The following GRIK2 variants were observed in gnomAD, a reference collection of about 807,000 sequenced individuals.
GRIK2 encodes the protein glutamate receptor ionotropic, kainate 2.
GRIK2 carries 32 observed loss-of-function variants against 100.3 expected under a neutral mutation model. The observed-to-expected ratio is 0.32, with a 90% confidence interval of 0.24 to 0.43. The LOEUF is 0.43. Ranked by LOEUF, GRIK2 falls within the 20% of genes least tolerant of loss-of-function variation. The pLI, the probability that GRIK2 is intolerant of heterozygous loss-of-function variation, is 1.00. For missense variants in GRIK2, 843 were observed against 1,114.9 expected (o/e 0.76, Z 3.47); for synonymous variants, 417 against 389.4 (o/e 1.07, Z -0.83).
chr6:101,736,585 G>A (rs1342831266), intron 7 of GRIK2, among the ~76,000 whole-genome samples: 1 of 152,124 alleles, frequency 6.6e-6, no homozygotes, highest in South Asian at 2.1e-4. Context: ...TTCAGCCGTG[G>A]CTAGAGCAGC....
chr6:101,627,758 A>T (rs918732818), intron 4 of GRIK2, among the ~76,000 whole-genome samples: 1 of 152,188 alleles, frequency 6.6e-6, no homozygotes, highest in Non-Finnish European at 1.5e-5. Flanking sequence ...TATTTATTTC[A>T]GTGAGTTAAA....
chr6:101,425,054 C>T (rs965363428), intron 2 of GRIK2, among the ~76,000 whole-genome samples: 3 of 151,742 alleles, frequency 2.0e-5, no homozygotes, highest in African/African-American at 7.3e-5. Flanking sequence ...TTTTCTTCAT[C>T]CAGTCTATCA....
chr6:101,815,869 T>C (rs1044280870), intron 9 of GRIK2, among the ~76,000 whole-genome samples: 4 of 152,150 alleles, frequency 2.6e-5, no homozygotes, highest in African/African-American at 9.7e-5. Flanking sequence ...GTCATAATAT[T>C]ACGCTAAGAA....
At chr6:101,904,803 T>C (rs901256040) in intron 12 of GRIK2, among the ~76,000 whole-genome samples, 5 of 151,578 alleles carry the variant, frequency 3.3e-5, no homozygotes, top group African/African-American at 1.2e-4. Flanking sequence ...ATTTATTTTG[T>C]GTTTATTGCA....
chr6:102,049,778 A>G (rs1451145354), intron 15 of GRIK2, among the ~76,000 whole-genome samples: 1 of 152,170 alleles, frequency 6.6e-6, no homozygotes, highest in East Asian at 1.9e-4. Context: ...TGACCCTTGT[A>G]ATTGATTAAA....
chr6:101,702,179 G>T lies in GRIK2; in HGVS notation c.951+15826G>T, dbSNP rs1256446251. Among the ~76,000 whole-genome samples the T allele has an allele frequency of 2.0e-5, 3 of 151,816 alleles. No homozygotes were observed. In the Admixed American group the frequency reaches 2.0e-4, roughly 10 times the overall value. ...ACATTGTTTCTATGAAAACTCAAAT[G>T]ACTGCATGAAAAAAATTGATAAAGG... is the stretch of plus-strand genomic sequence containing the variant. On this transcript the variant is annotated intron_variant, in intron 7 of 16. Coordinates refer to ENST00000369134, the MANE Select transcript of GRIK2 (RefSeq NM_021956.5).
intron 11 of GRIK2, among the ~76,000 whole-genome samples, chr6:101,883,071 C>T (rs1399519436): frequency 6.6e-6 from 1 of 151,812 alleles, no homozygotes; most frequent in Non-Finnish European, 1.5e-5. Context: ...CAGCATTTCT[C>T]ATTCATGCTG....
At chr6:101,777,043 G>A (rs534533506) in intron 7 of GRIK2, among the ~76,000 whole-genome samples, 17 of 152,180 alleles carry the variant, frequency 1.1e-4, no homozygotes, top group Non-Finnish European at 2.4e-4. Flanking sequence ...GGAATTGTGC[G>A]AACTGCTTTA....
intron 11 of GRIK2, among the ~76,000 whole-genome samples, chr6:101,886,018 A>C (rs1020304766): frequency 6.6e-6 from 1 of 152,178 alleles, no homozygotes; most frequent in Non-Finnish European, 1.5e-5. Context: ...ATAGCATCCT[A>C]CACAATGGTT....
chr6:101,492,695 T>C (rs1186354069), intron 2 of GRIK2, among the ~76,000 whole-genome samples: 1 of 151,860 alleles, frequency 6.6e-6, no homozygotes, highest in African/African-American at 2.4e-5. Flanking sequence ...TACTATACTT[T>C]AAAGACAAAT....
At chr6:102,019,311 T>C (rs1769301934) in intron 14 of GRIK2, among the ~76,000 whole-genome samples, 2 of 152,194 alleles carry the variant, frequency 1.3e-5, no homozygotes, top group Admixed American at 6.6e-5. Context: ...ATCTGCAGCC[T>C]TTTTAGAATC....
chr6:101,749,219 C>T (rs879910353), intron 7 of GRIK2, among the ~76,000 whole-genome samples: 10 of 152,190 alleles, frequency 6.6e-5, no homozygotes, highest in East Asian at 1.9e-4. Flanking sequence ...AGCGATTCTC[C>T]GGCCTCAGCC....
chr6:102,049,266 A>G (rs543806975), intron 15 of GRIK2, among the ~76,000 whole-genome samples: 1 of 152,156 alleles, frequency 6.6e-6, no homozygotes, highest in Non-Finnish European at 1.5e-5. Context: ...GGCAGAAAGG[A>G]GAGTACATAG....
chr6:101,644,994 T>C (rs903521058), intron 4 of GRIK2, among the ~76,000 whole-genome samples: 1 of 151,766 alleles, frequency 6.6e-6, no homozygotes, highest in South Asian at 2.1e-4. Flanking sequence ...GGAGTAACTG[T>C]AAGGTGCAAA....
chr6:101,507,185 C>T (rs1414975805), intron 2 of GRIK2, among the ~76,000 whole-genome samples: 2 of 152,058 alleles, frequency 1.3e-5, no homozygotes, highest in Non-Finnish European at 2.9e-5. Flanking sequence ...TATATCATTG[C>T]TATTAGTTTG....
chr6:101,642,083 A>C (rs770720101), intron 4 of GRIK2, among the ~76,000 whole-genome samples: 26 of 151,946 alleles, frequency 1.7e-4, no homozygotes, highest in Non-Finnish European at 2.9e-4. Context: ...CATTTAATAT[A>C]CATATATAAA....
chr6:101,667,139 G>T (rs1478079201), intron 4 of GRIK2, among the ~76,000 whole-genome samples: 1 of 152,074 alleles, frequency 6.6e-6, no homozygotes, highest in Non-Finnish European at 1.5e-5. Context: ...ATTTGACATT[G>T]TTATGCCACA....
intron 2 of GRIK2, among the ~76,000 whole-genome samples, chr6:101,581,229 C>T (rs1333731172): frequency 8.1e-6 from 1 of 123,876 alleles, no homozygotes; most frequent in African/African-American, 4.0e-5. Flanking sequence ...CACACACACT[C>T]ACACACATAT....
intron 2 of GRIK2, among the ~76,000 whole-genome samples, chr6:101,502,996 G>C (rs1322587725): frequency 6.6e-6 from 1 of 152,070 alleles, no homozygotes; most frequent in Non-Finnish European, 1.5e-5. Flanking sequence ...CTCTATTGAG[G>C]AATAACAGAT....
Sources: gnomAD v4.1 joint callset for allele counts (sites outside exome capture counted in the v4.1 genomes callset) on GRCh38, gnomAD v4.1.1 for gene constraint, MANE v1.5 for transcripts, NCBI Gene and HGNC (gene_info 2026-07-23, HGNC 2026-07-21) for gene names.